LRRTM4: variants seen among roughly 807,000 people sequenced by gnomAD.
The protein encoded by LRRTM4 is leucine-rich repeat transmembrane neuronal protein 4.
In LRRTM4, 25 loss-of-function variants were observed where a neutral mutation model predicts 47.6. The observed-to-expected ratio is 0.53, with a 90% CI of 0.38 to 0.73. The LOEUF (loss-of-function observed/expected upper bound fraction) is 0.73, where lower values mean the gene tolerates loss of function less well. Ranked by LOEUF, LRRTM4 falls within the 30% of genes least tolerant of loss-of-function variation. The probability of loss-of-function intolerance (pLI) is 0.00; values close to 1 mark genes in which losing one functional copy is unlikely to be tolerated. For synonymous variants in LRRTM4, 311 were observed against 269.5 expected, an observed-to-expected ratio of 1.15 and a Z score of -1.51; for missense variants, 638 against 713.4, an observed-to-expected ratio of 0.89 and a Z score of 1.20.
intron 3 of LRRTM4, among the ~76,000 whole-genome samples, chr2:77,294,585 G>A (rs1296931676): frequency 1.3e-5 from 2 of 152,058 alleles, no homozygotes; most frequent in Non-Finnish European, 2.9e-5. Context: ...TCTTTTGAGT[G>A]GGCAGGAGAA....
intron 3 of LRRTM4, among the ~76,000 whole-genome samples, chr2:77,394,386 T>A (rs1346411593): frequency 6.6e-6 from 1 of 151,958 alleles, no homozygotes; most frequent in Non-Finnish European, 1.5e-5. Flanking sequence ...GAAAAGATAG[T>A]TACCGAGAGT....
intron 3 of LRRTM4, among the ~76,000 whole-genome samples, chr2:77,469,812 CCTT>C (rs146618001): frequency 2.0e-5 from 3 of 151,956 alleles, no homozygotes; most frequent in African/African-American, 4.8e-5. Flanking sequence ...TCAAGGGAAA[CCTT>C]CTTCTTCTAT....
At chr2:77,168,129 A>G (rs1367656315) in intron 3 of LRRTM4, among the ~76,000 whole-genome samples, 1 of 152,062 alleles carries the variant, frequency 6.6e-6, no homozygotes, top group Non-Finnish European at 1.5e-5. Context: ...TTAATTCTAA[A>G]TGGAATCCGG....
intron 3 of LRRTM4, among the ~76,000 whole-genome samples, chr2:77,461,085 AAAATGTCAGT>A (rs1446340277): frequency 7.9e-5 from 12 of 152,114 alleles, no homozygotes; most frequent in Non-Finnish European, 1.3e-4. Context: ...AAAATTCTTT[AAAATGTCAGT>A]AAATGTCAGT....
At chr2:77,328,529 A>G (rs1258853371) in intron 3 of LRRTM4, among the ~76,000 whole-genome samples, 2 of 151,878 alleles carry the variant, frequency 1.3e-5, no homozygotes, top group Admixed American at 1.3e-4. Flanking sequence ...TCTTTCATTG[A>G]TTACAACCAT....
chr2:77,359,162 C>T (rs767940156), intron 3 of LRRTM4, among the ~76,000 whole-genome samples: 1 of 152,130 alleles, frequency 6.6e-6, no homozygotes, highest in Non-Finnish European at 1.5e-5. Context: ...TCACACCTAA[C>T]ATCAGATAAC....
At chr2:77,330,556 G>A (rs1296410031) in intron 3 of LRRTM4, among the ~76,000 whole-genome samples, 1 of 152,044 alleles carries the variant, frequency 6.6e-6, no homozygotes, top group African/African-American at 2.4e-5. Context: ...TTTTAATGAT[G>A]TAAAAAAATT....
At chr2:76,767,507 T>G (rs937675692) in intron 3 of LRRTM4, among the ~76,000 whole-genome samples, 6 of 152,182 alleles carry the variant, frequency 3.9e-5, no homozygotes, top group African/African-American at 9.7e-5. Flanking sequence ...TCTTAAGACT[T>G]GTGCTCAAAT....
At chr2:77,051,665 A>C (rs1033695404) in intron 3 of LRRTM4, among the ~76,000 whole-genome samples, 1 of 152,208 alleles carries the variant, frequency 6.6e-6, no homozygotes, top group Non-Finnish European at 1.5e-5. Flanking sequence ...TAGATAGTAC[A>C]GCAAACTTTT....
chr2:77,306,180 T>G (rs989499082), intron 3 of LRRTM4, among the ~76,000 whole-genome samples: 1 of 152,210 alleles, frequency 6.6e-6, no homozygotes, highest in Non-Finnish European at 1.5e-5. Context: ...TAAACTATCT[T>G]AAGTGGAATT....
At chr2:77,346,703 ATTGT>A (rs1420889843) in intron 3 of LRRTM4, among the ~76,000 whole-genome samples, 7 of 152,164 alleles carry the variant, frequency 4.6e-5, no homozygotes, top group Non-Finnish European at 7.4e-5. Flanking sequence ...TAATTTTAAC[ATTGT>A]TTAATTCCAT....
At chr2:77,308,958 A>G (rs1294405013) in intron 3 of LRRTM4, among the ~76,000 whole-genome samples, 1 of 152,196 alleles carries the variant, frequency 6.6e-6, no homozygotes, top group Non-Finnish European at 1.5e-5. Context: ...TCAGTATCAC[A>G]AAAGAATCTC....
chr2:77,169,401 C>T (rs1672982518), intron 3 of LRRTM4, among the ~76,000 whole-genome samples: 1 of 152,056 alleles, frequency 6.6e-6, no homozygotes, highest in Admixed American at 6.6e-5. Flanking sequence ...GGATTATTTT[C>T]ACAGTCTTTT....
At chr2:76,782,488 A>C (rs1198244191) in intron 3 of LRRTM4, among the ~76,000 whole-genome samples, 7 of 152,242 alleles carry the variant, frequency 4.6e-5, no homozygotes, top group Admixed American at 6.5e-5. Context: ...ACTTGAGCTC[A>C]CTGCAATAGC....
At chr2:76,947,655 A>C (rs1675366169) in intron 3 of LRRTM4, among the ~76,000 whole-genome samples, 1 of 151,838 alleles carries the variant, frequency 6.6e-6, no homozygotes, top group Admixed American at 6.6e-5. Context: ...ACCCATGCAT[A>C]CAAGTATGAT....
intron 3 of LRRTM4, among the ~76,000 whole-genome samples, chr2:77,097,641 C>A (rs984757662): frequency 6.6e-6 from 1 of 151,884 alleles, no homozygotes; most frequent in Non-Finnish European, 1.5e-5. Flanking sequence ...AAATAAAACT[C>A]AAATAATAAA....
chr2:76,797,035 C>T (rs1573121709), intron 3 of LRRTM4, among the ~76,000 whole-genome samples: 1 of 152,084 alleles, frequency 6.6e-6, no homozygotes. Context: ...AGTTGGAAAA[C>T]ACTCTGCAGG....
At chr2:77,514,616 T>C (rs964648586) in intron 3 of LRRTM4, among the ~76,000 whole-genome samples, 21 of 152,170 alleles carry the variant, frequency 1.4e-4, no homozygotes, top group South Asian at 6.2e-4. Flanking sequence ...GTTAGCACTA[T>C]AGGATCATTA....
At chr2:76,854,758 A>G (rs1053621292) in intron 3 of LRRTM4, among the ~76,000 whole-genome samples, 2 of 152,010 alleles carry the variant, frequency 1.3e-5, no homozygotes, top group Non-Finnish European at 2.9e-5. Flanking sequence ...ATATGTCAGG[A>G]GCTCTCCAAG....
Sources: gnomAD v4.1 joint callset for allele counts (sites outside exome capture counted in the v4.1 genomes callset) on GRCh38, gnomAD v4.1.1 for gene constraint, MANE v1.5 for transcripts, NCBI Gene and HGNC (gene_info 2026-07-23, HGNC 2026-07-21) for gene names.